Variants in VPS41 observed in about 807,000 individuals in gnomAD.
VPS41 encodes VPS41 subunit of HOPS complex, also known as vacuolar protein sorting-associated protein 41 homolog.
A neutral mutation model predicts 130.9 loss-of-function variants in VPS41; 85 were observed. The observed-to-expected ratio is 0.65, with a 90% confidence interval of 0.55 to 0.78. VPS41 has a LOEUF of 0.78. VPS41 is among the 30% of genes least tolerant of loss of function. The pLI is 0.00. For missense variants in VPS41, 874 were observed against 1,018.7 expected, an observed-to-expected ratio of 0.86 and a Z score of 1.93; for synonymous variants, 335 against 332.9, an observed-to-expected ratio of 1.01 and a Z score of -0.07.
intron 4 of VPS41, among the ~76,000 whole-genome samples, chr7:38,849,410 C>T (rs1488801907): frequency 6.6e-6 from 1 of 152,166 alleles, no homozygotes; most frequent in African/African-American, 2.4e-5. Context: ...CTTTCTGTAT[C>T]CTAGGGTTTC....
intron 5 of VPS41, among the ~76,000 whole-genome samples, chr7:38,827,299 C>T (rs1433845425): frequency 6.6e-6 from 1 of 152,120 alleles, no homozygotes; most frequent in East Asian, 1.9e-4. Context: ...AGTAGAGGAA[C>T]TCTCCCTGAC....
At chr7:38,785,354 GAATGGCT>G (rs1490834561) in intron 10 of VPS41, among the ~76,000 whole-genome samples, 3 of 152,322 alleles carry the variant, frequency 2.0e-5, no homozygotes, top group African/African-American at 7.2e-5. Flanking sequence ...AAATTGAAAA[GAATGGCT>G]AATGGACAAA....
rs768484816 is a variant in VPS41 at position 38,796,845 on chromosome 7, G to A, written c.470C>T (p.Ser157Phe). 1.2e-6 allele frequency: 2 copies of A among 1,613,886 alleles called. No individual in the cohort carries two copies. Among genetic ancestry groups the A allele is most frequent in the East Asian group, 4.5e-5 (2 of 44,862 alleles). ...GGKKLLLFER[S>F]WMNRWKSAVL... ...AGCAGACTTCCATCTGTTCATCCAAGACCGTTCAAACAGTAGCAGCTAGGG... is the reference window on the plus strand; with the variant it reads ...AGCAGACTTCCATCTGTTCATCCAAAACCGTTCAAACAGTAGCAGCTAGGG... The change falls in exon 8 of 29, where the codon TCT (serine) becomes TTT (phenylalanine). Residue 157 changes from serine to phenylalanine, a missense_variant. Ser to Phe is a radical substitution (Grantham distance 155). Transcript: ENST00000310301.
chr7:38,896,916 A>G (rs1787009689), intron 2 of VPS41, among the ~76,000 whole-genome samples: 1 of 152,218 alleles, frequency 6.6e-6, no homozygotes, highest in Admixed American at 6.5e-5. Flanking sequence ...TGCTTGGGCC[A>G]GGTGCAGTGA....
At chr7:38,741,437 G>A (rs1795877460) in intron 25 of VPS41, 1 of 221,230 alleles carries the variant, frequency 4.5e-6, no homozygotes, top group South Asian at 6.9e-5. Flanking sequence ...CTGTTCTTAT[G>A]ACAAATTCTG....
chr7:38,797,498 CGATT>C (rs1453769223), intron 7 of VPS41, among the ~76,000 whole-genome samples: 1 of 152,030 alleles, frequency 6.6e-6, no homozygotes, highest in Non-Finnish European at 1.5e-5. Flanking sequence ...AAAACCTCTA[CGATT>C]AATAAAGATG....
chr7:38,881,876 C>T (rs979335565), intron 2 of VPS41, among the ~76,000 whole-genome samples: 3 of 152,120 alleles, frequency 2.0e-5, no homozygotes, highest in African/African-American at 4.8e-5. Flanking sequence ...CCTATCCTCA[C>T]GAAAGTGCCT....
At chr7:38,769,707 T>G (rs759002015) in intron 14 of VPS41, among the ~76,000 whole-genome samples, 5 of 152,154 alleles carry the variant, frequency 3.3e-5, no homozygotes, top group African/African-American at 1.2e-4. Context: ...TCCCAAAGAT[T>G]AAAAGTTTAC....
intron 17 of VPS41, among the ~76,000 whole-genome samples, chr7:38,762,183 G>A (rs983552053): frequency 1.7e-4 from 26 of 152,100 alleles, no homozygotes. Context: ...CTGGCTTTGT[G>A]TACCCTTGAA....
intron 13 of VPS41, 46 bp downstream of exon 13, chr7:38,772,476 T>C: frequency 7.9e-7 from 1 of 1,272,060 alleles, no homozygotes; most frequent in African/African-American, 1.5e-5. Context: ...TCTCTCTCTA[T>C]GCTGTAGATG....
At chr7:38,796,622 C>T in intron 8 of VPS41, 123 bp downstream of exon 8, 1 of 1,452,602 alleles carries the variant, frequency 6.9e-7, no homozygotes, top group Non-Finnish European at 9.6e-7. Flanking sequence ...ACCAATCGTC[C>T]TTACACCCTT....
intron 16 of VPS41, among the ~76,000 whole-genome samples, chr7:38,764,488 A>T (rs1783990212): frequency 6.6e-6 from 1 of 152,158 alleles, no homozygotes; most frequent in South Asian, 2.1e-4. Context: ...GTGAGAGTCC[A>T]GACTTATTTT....
intron 17 of VPS41, among the ~76,000 whole-genome samples, chr7:38,760,129 T>A (rs1328622999): frequency 1.3e-5 from 2 of 152,180 alleles, no homozygotes; most frequent in African/African-American, 4.8e-5. Context: ...TTGCTCAGTC[T>A]CTACTCCCTG....
intron 4 of VPS41, among the ~76,000 whole-genome samples, chr7:38,859,280 T>C (rs1329609798): frequency 6.6e-6 from 1 of 152,150 alleles, no homozygotes; most frequent in African/African-American, 2.4e-5. Flanking sequence ...CTAAGGCTAA[T>C]GTATTAGTGG....
intron 22 of VPS41, chr7:38,745,891 GC>G: frequency 2.9e-6 from 1 of 346,814 alleles, no homozygotes; most frequent in Non-Finnish European, 5.2e-6. Context: ...AAAAGAAAGG[GC>G]CTTTCCCACT....
intron 2 of VPS41, among the ~76,000 whole-genome samples, chr7:38,886,431 G>A (rs934488168): frequency 3.3e-5 from 5 of 152,322 alleles, no homozygotes; most frequent in Middle Eastern, 3.4e-3. Context: ...CTGGGATGCC[G>A]GAGCTTGGTG....
chr7:38,826,597 T>A (rs115978007), intron 5 of VPS41, among the ~76,000 whole-genome samples: 3,237 of 152,234 alleles, frequency 0.021, 45 homozygotes, highest in African/African-American at 0.043. Flanking sequence ...AATTTACATA[T>A]ATTAACTCAT....
At chr7:38,875,398 G>A (rs1315063376) in intron 2 of VPS41, among the ~76,000 whole-genome samples, 1 of 152,070 alleles carries the variant, frequency 6.6e-6, no homozygotes, top group East Asian at 1.9e-4. Flanking sequence ...AGTTCAAAAT[G>A]AATCAAAAAG....
At chr7:38,868,212 G>C (rs1226842023) in intron 3 of VPS41, among the ~76,000 whole-genome samples, 1 of 152,220 alleles carries the variant, frequency 6.6e-6, no homozygotes. Flanking sequence ...AAAGGGACCA[G>C]AAGTTGGAGA....
Sources: gnomAD v4.1 joint callset for allele counts (sites outside exome capture counted in the v4.1 genomes callset) on GRCh38, gnomAD v4.1.1 for gene constraint, MANE v1.5 for transcripts, NCBI Gene and HGNC (gene_info 2026-07-23, HGNC 2026-07-21) for gene names.